The following ACOX3 variants were observed in gnomAD, a reference collection of about 807,000 sequenced individuals.
ACOX3 encodes peroxisomal acyl-coenzyme A oxidase 3.
Under a neutral mutation model 81.5 loss-of-function variants are expected in ACOX3, and 73 were observed. That is an observed-to-expected ratio of 0.90 (90% confidence interval 0.74 to 1.09). The LOEUF (loss-of-function observed/expected upper bound fraction) is 1.09, where lower values mean the gene tolerates loss of function less well. Ranked by LOEUF, ACOX3 falls within the 50% of genes least tolerant of loss-of-function variation. The pLI, the probability that ACOX3 is intolerant of heterozygous loss-of-function variation, is 0.00. For synonymous variants in ACOX3, 387 were observed against 375.1 expected, an observed-to-expected ratio of 1.03 and a Z score of -0.37; for missense variants, 947 against 928.0, an observed-to-expected ratio of 1.02 and a Z score of -0.27.
rs969063555 is a variant in ACOX3, at chr4:8,437,467, C to T, written c.-15+3181G>A. ...AGAAAATGGGAGAGACAGCAGTGCG[C>T]GGGGGCAGGGCCTGTGCCACTGCCT... On this transcript the variant is annotated intron_variant, in intron 1 of 17. Coordinates refer to ENST00000356406, the MANE Select transcript of ACOX3 (RefSeq NM_003501.3). This position sits in a 1 kb window ranked among gnomAD's most constrained non-coding sequence, Gnocchi z 5.2. 2.6e-5 allele frequency among the ~76,000 whole-genome samples: 4 copies of T among 152,120 alleles called. No homozygotes were observed. Among genetic ancestry groups the T allele is most frequent in the Non-Finnish European group, 4.4e-5 (3 of 68,026 alleles).
Position 8,399,310 on chromosome 4 carries a change from C to T in ACOX3, c.873+246G>A, listed in dbSNP as rs549733899. On this transcript the variant is annotated intron_variant, in intron 8 of 17. Transcript: ENST00000356406. The surrounding 1 kb of genome is among the most constrained non-coding windows in gnomAD (Gnocchi z 4.9). ...CGAGCAGTCCTCTAATCGCAGCCCC[C>T]GATGGGGAGTGGGCATTGTAAGGCC... 4.6e-5 allele frequency among the ~76,000 whole-genome samples: 7 copies of T among 152,328 alleles called. No homozygotes were observed. The highest frequency in any genetic ancestry group is 1.9e-4 in the East Asian group (1 of 5,184).
In ACOX3 at chr4:8,400,454, A is replaced by C. The variant is rs1423783832; in HGVS notation, c.777-802T>G. Among the ~76,000 whole-genome samples the C allele has an allele frequency of 6.6e-6, 1 of 152,180 alleles. No homozygotes were observed. The highest frequency in any genetic ancestry group is 1.5e-5 in the Non-Finnish European group (1 of 68,046). ...GGCAAAATGAGGTTTAAAACTCTTC[A>C]GTCAAACAAAATAACTGGTGTGATG... is the stretch of plus-strand genomic sequence containing the variant. On this transcript the variant is annotated intron_variant, in intron 7 of 17. Transcript: ENST00000356406. The surrounding 1 kb of genome is among the most constrained non-coding windows in gnomAD (Gnocchi z 4.4).
In ACOX3 at chr4:8,405,874, C is replaced by T; in HGVS notation, c.776+81G>A. 1 of 1,366,350 alleles carries T rather than the reference C, an allele frequency of 7.3e-7. No homozygotes were observed. Among genetic ancestry groups the T allele is most frequent in the Non-Finnish European group, 1.0e-6 (1 of 956,484 alleles). 84.6% of individuals were successfully genotyped at this position (1,366,350 alleles called of 1,614,324 possible). A position where few individuals can be genotyped will look rare whatever the true frequency, so the allele number is the denominator to read the frequency against. Reference sequence around the variant, plus strand: ...AGGGCAGGGCATGGCATCCATGGGGCCAGTGAGATCTCAGACATGAGCGAC... The same window carrying T: ...AGGGCAGGGCATGGCATCCATGGGGTCAGTGAGATCTCAGACATGAGCGAC... On this transcript the variant is annotated intron_variant, in intron 7 of 17. Coordinates refer to ENST00000356406, the MANE Select transcript of ACOX3 (RefSeq NM_003501.3). This position sits in a 1 kb window ranked among gnomAD's most constrained non-coding sequence, Gnocchi z 7.1.
intron 1 of ACOX3, among the ~76,000 whole-genome samples, chr4:8,426,656 G>T (rs375864170): frequency 6.6e-6 from 1 of 151,726 alleles, no homozygotes; most frequent in South Asian, 2.1e-4. Flanking sequence ...CATTGTATAG[G>T]AGTTTTTCTA....
chr4:8,363,089 AT>A (rs1715267603), downstream of ACOX3, among the ~76,000 whole-genome samples: 1 of 152,228 alleles, frequency 6.6e-6, no homozygotes, highest in Non-Finnish European at 1.5e-5. Flanking sequence ...AACCCTGCTT[AT>A]TCCTGTGAAC....
rs952689266 is a variant in ACOX3, at chr4:8,430,857, AAAAAAT to A, written c.-15+9785_-15+9790del. On this transcript the variant is annotated intron_variant, in intron 1 of 17. Coordinates refer to ENST00000356406, the MANE Select transcript of ACOX3 (RefSeq NM_003501.3). The surrounding 1 kb of genome is among the most constrained non-coding windows in gnomAD (Gnocchi z 5.2). ...GGTGACAAGAGTGAAACTCCATCTC[AAAAAAT>A]AAAAATAAAAATATCTTCCCACTGG... Among the ~76,000 whole-genome samples the A allele has an allele frequency of 1.2e-4, 18 of 152,320 alleles. No individual in the cohort carries two copies. The highest frequency in any genetic ancestry group is 3.6e-4 in the African/African-American group (15 of 41,580).
At chr4:8,391,152 C>G (rs530844736) in intron 11 of ACOX3, among the ~76,000 whole-genome samples, 1 of 152,186 alleles carries the variant, frequency 6.6e-6, no homozygotes, top group South Asian at 2.1e-4. Flanking sequence ...TTTATAGAAT[C>G]CCGATGAGTT....
chr4:8,428,447 C>A (rs996804311), intron 1 of ACOX3: 1 of 152,468 alleles, frequency 6.6e-6, no homozygotes, highest in African/African-American at 2.4e-5. Flanking sequence ...CCTGGCCCCA[C>A]TGCTCCCCCG....
rs1430270177 is a variant in ACOX3 at position 8,431,771 on chromosome 4, C to G, written c.-15+8877G>C. Among the ~76,000 whole-genome samples the G allele has an allele frequency of 6.6e-6, 1 of 152,220 alleles. No individual in the cohort carries two copies. Among genetic ancestry groups the G allele is most frequent in the Non-Finnish European group, 1.5e-5 (1 of 68,036 alleles). On this transcript the variant is annotated intron_variant, in intron 1 of 17. Coordinates refer to ENST00000356406, the MANE Select transcript of ACOX3 (RefSeq NM_003501.3). This position sits in a 1 kb window ranked among gnomAD's most constrained non-coding sequence, Gnocchi z 5.3. ...CTCACCCACCCCCTCTCTTGTTTAT[C>G]TTGACTTCTGTCCCACTTCTGCTCC...
rs1425402488 is a variant in ACOX3 at position 8,407,592 on chromosome 4, C to T, written c.688-1549G>A. Among the ~76,000 whole-genome samples, 2 of 152,246 alleles carry T rather than the reference C, an allele frequency of 1.3e-5. No homozygotes were observed. Among genetic ancestry groups the T allele is most frequent in the Non-Finnish European group, 2.9e-5 (2 of 68,040 alleles). ...TGCTGTGGCAGCCATGAGAGACTAA[C>T]ACGGGGGCCGGTGCTGCCGGGAGGA... On this transcript the variant is annotated intron_variant, in intron 6 of 17. Transcript: ENST00000356406. The surrounding 1 kb of genome is among the most constrained non-coding windows in gnomAD (Gnocchi z 4.6).
intron 1 of ACOX3, among the ~76,000 whole-genome samples, chr4:8,427,494 C>T (rs1402272520): frequency 2.0e-5 from 3 of 152,200 alleles, no homozygotes; most frequent in Admixed American, 6.5e-5. Context: ...TCTGATCCAG[C>T]GAGGCACCGG....
intron 8 of ACOX3, among the ~76,000 whole-genome samples, chr4:8,398,387 TC>T (rs1719956084): frequency 6.6e-6 from 1 of 152,254 alleles, no homozygotes; most frequent in African/African-American, 2.4e-5. Flanking sequence ...TCCTTACTTT[TC>T]CTCTTTGGTC....
At position 8,392,448 on chromosome 4, in the gene ACOX3, C is replaced by T. The variant is rs370495042; in HGVS notation, c.1185G>A (p.Glu395=). Residue 395 remains glutamate, a synonymous_variant, in exon 11 of 18, where the codon GAG becomes GAA. Transcript: ENST00000356406. ...ASGDRSARQA[E]LGREIHALAS... ...CCAGGGCGTGGATCTCACGTCCAAG[C>T]TCTGCCTTTGGGTGAGGGAATCCAA... The T allele has an allele frequency of 1.9e-6, 3 of 1,585,224 alleles. No homozygotes were observed. Among genetic ancestry groups the T allele is most frequent in the African/African-American group, 2.7e-5 (2 of 73,610 alleles).
chr4:8,415,804 C>T lies in ACOX3; in HGVS notation c.340G>A (p.Asp114Asn), dbSNP rs767609868. 3 of 1,614,070 alleles carry T rather than the reference C, an allele frequency of 1.9e-6. No homozygotes were observed. The South Asian group carries it at 3.3e-5, about 18-fold the overall frequency. ...PALIQCLGMYDSSLAAKYLLH... is the reference protein window; with the variant it reads ...PALIQCLGMYNSSLAAKYLLH... ...AGGTACTTGGCAGCCAGAGAAGAGT[C>T]ATACATGCCCAGGCACTGAATCAAG... is the stretch of plus-strand genomic sequence containing the variant. The change falls in exon 3 of 18, where the codon GAC becomes AAC. Residue 114 changes from aspartate (D) to asparagine (N), a missense_variant. Coordinates refer to ENST00000356406, the MANE Select transcript of ACOX3 (RefSeq NM_003501.3).
rs1723146457 is a variant in ACOX3 at position 8,423,320 on chromosome 4, G to A, written c.-14-6785C>T. On this transcript the variant is annotated intron_variant, in intron 1 of 17. Coordinates refer to ENST00000356406, the MANE Select transcript of ACOX3 (RefSeq NM_003501.3). The surrounding 1 kb of genome is among the most constrained non-coding windows in gnomAD (Gnocchi z 4.2). ...CATTATACACCTGAACATGGGAGAA[G>A]GAACACCGTTTGCTGTCCCCTACTT... Among the ~76,000 whole-genome samples, 1 of 152,106 alleles carries A rather than the reference G, an allele frequency of 6.6e-6. No homozygotes were observed. Among genetic ancestry groups the A allele is most frequent in the Non-Finnish European group, 1.5e-5 (1 of 68,008 alleles).
chr4:8,361,340 G>A (rs1358422954), downstream of ACOX3, among the ~76,000 whole-genome samples: 1 of 139,618 alleles, frequency 7.2e-6, no homozygotes, highest in Non-Finnish European at 1.5e-5. Context: ...GCAGGACAAA[G>A]GCGTGAACCC....
chr4:8,436,135 A>G (rs1271134985), intron 1 of ACOX3: 1 of 152,230 alleles, frequency 6.6e-6, no homozygotes, highest in Non-Finnish European at 1.5e-5. Flanking sequence ...ACTAAACTGG[A>G]AACACCCTGA....
intron 1 of ACOX3, among the ~76,000 whole-genome samples, chr4:8,436,895 G>A (rs1724270303): frequency 6.7e-6 from 1 of 148,644 alleles, no homozygotes; most frequent in Non-Finnish European, 1.5e-5. Flanking sequence ...GGGAGGCTGA[G>A]GCAGGAGAAT....
intron 1 of ACOX3, among the ~76,000 whole-genome samples, chr4:8,426,497 C>T (rs1723494999): frequency 6.6e-6 from 1 of 150,798 alleles, no homozygotes; most frequent in Admixed American, 6.6e-5. Context: ...CGTAGAGCTC[C>T]ATGGCCCCCC....
Sources: allele counts gnomAD v4.1 joint callset (sites outside exome capture counted in the v4.1 genomes callset), GRCh38; gene constraint gnomAD v4.1.1; non-coding constraint Gnocchi (gnomAD v3.1); transcripts MANE v1.5; gene names NCBI Gene and HGNC (gene_info 2026-07-23, HGNC 2026-07-21).